The following NPRL3 variants were observed in gnomAD, a reference collection of about 807,000 sequenced individuals.
NPRL3 encodes NPR3 like, GATOR1 complex subunit, also known as GATOR1 complex protein NPRL3.
A neutral mutation model predicts 57.2 loss-of-function variants in NPRL3; 23 were observed. That is an observed-to-expected ratio of 0.40 (90% CI 0.29 to 0.57). The LOEUF (loss-of-function observed/expected upper bound fraction) is 0.57. Ranked by LOEUF, NPRL3 falls within the 20% of genes least tolerant of loss-of-function variation. The probability of loss-of-function intolerance (pLI) is 0.42; values close to 1 mark genes in which losing one functional copy is unlikely to be tolerated. For synonymous variants in NPRL3, 333 were observed against 321.1 expected, an observed-to-expected ratio of 1.04 and a Z score of -0.39; for missense variants, 691 against 767.1, an observed-to-expected ratio of 0.90 and a Z score of 1.17.
At chr16:93,156 G>T in intron 10 of NPRL3, 63 bp downstream of exon 10, 1 of 1,050,308 alleles carries the variant, frequency 9.5e-7, no homozygotes. Flanking sequence ...GCATCTGGAG[G>T]GCCCTGCCAG....
chr16:134,707 T>A (rs369411966), intron 2 of NPRL3, among the ~76,000 whole-genome samples: 6,283 of 141,290 alleles, frequency 0.044, 176 homozygotes, highest in African/African-American at 0.082. Flanking sequence ...TTTTTTTTTT[T>A]TTTTTTTTTT....
chr16:109,958 GC>G (rs1336527097), intron 7 of NPRL3, among the ~76,000 whole-genome samples: 1 of 151,962 alleles, frequency 6.6e-6, no homozygotes, highest in South Asian at 2.1e-4. Context: ...CCAGCAGAGT[GC>G]ACCCTACTCA....
chr16:111,624 GT>G (rs1406867558), intron 6 of NPRL3, among the ~76,000 whole-genome samples: 1 of 151,426 alleles, frequency 6.6e-6, no homozygotes, highest in Non-Finnish European at 1.5e-5. Context: ...TAATTTTTGG[GT>G]TTTTTTCGGT....
At chr16:103,673 G>T (rs1899408731) in intron 7 of NPRL3, among the ~76,000 whole-genome samples, 1 of 152,180 alleles carries the variant, frequency 6.6e-6, no homozygotes, top group African/African-American at 2.4e-5. Context: ...GCTTCACTCA[G>T]CGGCATCTAG....
chr16:90,647 A>G (rs553614259), intron 11 of NPRL3: 4 of 152,424 alleles, frequency 2.6e-5, no homozygotes, highest in Non-Finnish European at 4.4e-5. Context: ...GGAGTGTGAG[A>G]CACATCAGTG....
chr16:107,558 G>A (rs1364954376), intron 7 of NPRL3, among the ~76,000 whole-genome samples: 2 of 139,738 alleles, frequency 1.4e-5, no homozygotes, highest in African/African-American at 2.7e-5. Flanking sequence ...GCAGAAGAAT[G>A]CACTCCAGCC....
chr16:117,017 C>T (rs1211088656), intron 5 of NPRL3, among the ~76,000 whole-genome samples: 1 of 151,956 alleles, frequency 6.6e-6, no homozygotes, highest in African/African-American at 2.4e-5. Context: ...ATGGGGTTTC[C>T]TTCTGGGGTG....
At chr16:136,562 C>T (rs1901090189) in intron 2 of NPRL3, among the ~76,000 whole-genome samples, 1 of 151,654 alleles carries the variant, frequency 6.6e-6, no homozygotes, top group Admixed American at 6.6e-5. Context: ...CATGGTGGCG[C>T]ATGCCTGTAG....
At chr16:117,467 A>G (rs1900093119) in intron 4 of NPRL3, 92 bp from the exon 5 acceptor site, 1 of 827,476 alleles carries the variant, frequency 1.2e-6, no homozygotes, top group Non-Finnish European at 2.0e-6. Flanking sequence ...AAAAGTCCCC[A>G]GAATACAGCA....
At position 89,898 on chromosome 16, in the gene NPRL3, TG is replaced by T; in HGVS notation, c.1165del (p.Gln389SerfsTer24). The T allele has an allele frequency of 6.5e-7, 1 of 1,547,794 alleles. No homozygotes were observed. Among genetic ancestry groups the T allele is most frequent in the Non-Finnish European group, 8.7e-7 (1 of 1,146,090 alleles). On this transcript the variant is annotated frameshift_variant, in exon 12 of 14. Transcript: ENST00000611875. LOFTEE classifies it high-confidence loss of function. ...CATCCACACCACCATCTGGATGAGC[TG>T]GGTCTGCGGGTGGCAGCAGGTGAGG... is the stretch of plus-strand genomic sequence containing the variant. ...NPLAPAVQETQLIQMVVWMLQ... is the reference protein window; with the variant it reads ...NPLAPAVQETXLIQMVVWMLQ...
chr16:117,012 G>A (rs984242057), intron 5 of NPRL3, among the ~76,000 whole-genome samples: 2 of 152,006 alleles, frequency 1.3e-5, no homozygotes, highest in Non-Finnish European at 2.9e-5. Flanking sequence ...TGGGTATGGG[G>A]TTTCCTTCTG....
At chr16:111,440 T>G (rs1342140727) in intron 6 of NPRL3, among the ~76,000 whole-genome samples, 1 of 151,852 alleles carries the variant, frequency 6.6e-6, no homozygotes, top group African/African-American at 2.4e-5. Context: ...AAAATTTATT[T>G]TATTTTTATT....
chr16:93,122 G>C, intron 10 of NPRL3, 97 bp downstream of exon 10: 1 of 822,646 alleles, frequency 1.2e-6, no homozygotes, highest in Non-Finnish European at 2.0e-6. Flanking sequence ...CACAGCCTTT[G>C]GTGCCTGGCC....
chr16:131,921 A>C (rs1393603978), intron 2 of NPRL3, among the ~76,000 whole-genome samples: 1 of 152,142 alleles, frequency 6.6e-6, no homozygotes, highest in Admixed American at 6.5e-5. Context: ...TTTATATAAT[A>C]TTCGAAATCT....
chr16:137,179 C>G (rs1238595469), intron 2 of NPRL3, among the ~76,000 whole-genome samples: 1 of 152,130 alleles, frequency 6.6e-6, no homozygotes, highest in Non-Finnish European at 1.5e-5. Context: ...GAGATCACGC[C>G]ACTCAACTCC....
At chr16:119,080 C>T in intron 4 of NPRL3, 46 bp downstream of exon 4, 5 of 1,605,660 alleles carry the variant, frequency 3.1e-6, no homozygotes, top group Non-Finnish European at 4.3e-6. Flanking sequence ...CCAAGGAGAG[C>T]CACATCTGCC....
In NPRL3 at chr16:86,805, C is replaced by G. The variant is rs771288626; in HGVS notation, c.1610G>C (p.Arg537Pro). The G allele has an allele frequency of 6.2e-7, 1 of 1,612,084 alleles. No homozygotes were observed. Among genetic ancestry groups the G allele is most frequent in the African/African-American group, 1.3e-5 (1 of 74,918 alleles). The change falls in exon 14 of 14, where the codon CGC becomes CCC. Residue 537 changes from arginine to proline, a missense_variant. By Grantham distance (103) the Arg-to-Pro change is moderately radical. Coordinates refer to ENST00000611875, the MANE Select transcript of NPRL3 (RefSeq NM_001077350.3). ...GTCAAACAGCATGAGCAGCTGGGAGCGCCGCGTGTTCTCGTTGTACATAAT... is the reference window on the plus strand; with the variant it reads ...GTCAAACAGCATGAGCAGCTGGGAGGGCCGCGTGTTCTCGTTGTACATAAT... ...EEIMYNENTR[R>P]SQLLMLFDKF...
chr16:92,893 G>A (rs1025964922), intron 10 of NPRL3, 168 bp from the exon 11 acceptor site: 9 of 772,592 alleles, frequency 1.2e-5, no homozygotes, highest in Non-Finnish European at 1.9e-5. Flanking sequence ...CAGAGCCTGG[G>A]CACTTCCCCT....
rs2239298 is a variant in NPRL3, at chr16:89,636, C to T, written c.1351+77G>A. ...TGGAGGCCCCTCATCACTCACAGCA[C>T]CACCCACGTTGAGCCTCCTGGATGC... On this transcript the variant is annotated intron_variant, in intron 12 of 13. Coordinates refer to ENST00000611875, the MANE Select transcript of NPRL3 (RefSeq NM_001077350.3). 81,653 of 1,340,218 alleles carry T rather than the reference C, an allele frequency of 0.061. 2,989 individuals are homozygous for T. The highest frequency in any genetic ancestry group is 0.15 in the African/African-American group (9,652 of 66,256). The allele number at this position is 1,340,218 out of a possible 1,614,324, so 83.0% of individuals were successfully genotyped here.
Sources: allele counts gnomAD v4.1 joint callset (sites outside exome capture counted in the v4.1 genomes callset), GRCh38; gene constraint gnomAD v4.1.1; transcripts MANE v1.5; gene names NCBI Gene and HGNC (gene_info 2026-07-23, HGNC 2026-07-21).